Variants in CPEB3 observed in about 807,000 individuals in gnomAD.
The protein encoded by CPEB3 is cytoplasmic polyadenylation element-binding protein 3.
Under a neutral mutation model 67.2 loss-of-function variants are expected in CPEB3, and 20 were observed. That is an observed-to-expected ratio of 0.30 (90% CI 0.21 to 0.43). CPEB3 has a LOEUF of 0.43. Ranked by LOEUF, CPEB3 falls within the 20% of genes least tolerant of loss-of-function variation. The pLI is 1.00. For synonymous variants in CPEB3, 376 were observed against 393.1 expected (o/e 0.96, Z 0.51); for missense variants, 746 against 968.6 (o/e 0.77, Z 3.05).
chr10:92,117,767 C>T (rs1845116717), intron 6 of CPEB3, among the ~76,000 whole-genome samples: 1 of 151,484 alleles, frequency 6.6e-6, no homozygotes, highest in African/African-American at 2.4e-5. Context: ...TATTTGATAC[C>T]TAGTACAAAT....
chr10:92,073,846 T>C (rs1358010108), intron 9 of CPEB3, among the ~76,000 whole-genome samples: 1 of 152,178 alleles, frequency 6.6e-6, no homozygotes, highest in Non-Finnish European at 1.5e-5. Flanking sequence ...CAAACCTCTC[T>C]TAGATTCTCC....
At chr10:92,266,365 T>C (rs1382700085) in intron 1 of CPEB3, among the ~76,000 whole-genome samples, 1 of 152,162 alleles carries the variant, frequency 6.6e-6, no homozygotes, top group Non-Finnish European at 1.5e-5. Context: ...GTTTTGCCTC[T>C]CCTTTCTAAA....
chr10:92,174,060 A>G (rs938089941), intron 4 of CPEB3, among the ~76,000 whole-genome samples: 2 of 152,208 alleles, frequency 1.3e-5, no homozygotes, highest in African/African-American at 4.8e-5. Context: ...CCAAGAAATT[A>G]TTTACTTATA....
At position 92,180,948 on chromosome 10, in the gene CPEB3, C is replaced by T. The variant is rs762736647; in HGVS notation, c.1222+15G>A. On this transcript the variant is annotated intron_variant, in intron 4 of 9. Transcript: ENST00000265997. The stretch of plus-strand genomic sequence containing the variant: ...TGACTGCTAATTTAATAGAATATTT[C>T]ATATGAAGACTTACTGTTAAGTGCC... 2 of 1,272,046 alleles carry T rather than the reference C, an allele frequency of 1.6e-6. No individual in the cohort carries two copies. The highest frequency in any genetic ancestry group is 2.3e-6 in the Non-Finnish European group (2 of 870,148). The allele number at this position is 1,272,046 out of a possible 1,614,324, so 78.8% of individuals were successfully genotyped here.
chr10:92,112,683 C>T (rs1479491455), intron 6 of CPEB3, among the ~76,000 whole-genome samples: 1 of 152,208 alleles, frequency 6.6e-6, no homozygotes, highest in Non-Finnish European at 1.5e-5. Flanking sequence ...AGAGCAAAGG[C>T]CCGTCATGAA....
chr10:92,248,554 G>T (rs1852163016), intron 1 of CPEB3, among the ~76,000 whole-genome samples: 1 of 152,144 alleles, frequency 6.6e-6, no homozygotes, highest in Admixed American at 6.5e-5. Context: ...ATAAATGGAT[G>T]GATGAATAAA....
rs746599780 is a variant in CPEB3 at position 92,048,488 on chromosome 10, G to A, written c.*3724C>T. On this transcript the variant is annotated 3_prime_UTR_variant, in exon 10 of 10. Transcript: ENST00000265997. This position sits in a 1 kb window ranked among gnomAD's most constrained non-coding sequence, Gnocchi z 4.1. ...CAGATTTTAAACCCAGTGGTACTTC[G>A]GTTGGGTGACTTCATTCTCAGGGCC... 3 of 151,876 alleles carry A rather than the reference G, an allele frequency of 2.0e-5. No homozygotes were observed. Among genetic ancestry groups the A allele is most frequent in the African/African-American group, 4.8e-5 (2 of 41,266 alleles). 9.4% of individuals were successfully genotyped at this position (151,876 alleles called of 1,614,324 possible). A position where few individuals can be genotyped will look rare whatever the true frequency, so the allele number is the denominator to read the frequency against.
At chr10:92,251,963 A>C (rs1160809522) in intron 1 of CPEB3, among the ~76,000 whole-genome samples, 1 of 151,778 alleles carries the variant, frequency 6.6e-6, no homozygotes, top group Non-Finnish European at 1.5e-5. Flanking sequence ...AAAAAAAAGA[A>C]GTCACAAAAC....
At chr10:92,084,659 A>C (rs1486033930) in intron 8 of CPEB3, among the ~76,000 whole-genome samples, 2 of 152,138 alleles carry the variant, frequency 1.3e-5, no homozygotes, top group Non-Finnish European at 2.9e-5. Context: ...GGCTCACTGC[A>C]AGCTCTGCCT....
At chr10:92,151,747 A>G (rs887385203) in intron 4 of CPEB3, among the ~76,000 whole-genome samples, 2 of 152,118 alleles carry the variant, frequency 1.3e-5, no homozygotes, top group African/African-American at 4.8e-5. Context: ...AGAATCTCAA[A>G]ATCATTTTTG....
chr10:92,174,634 T>G (rs1259457681), intron 4 of CPEB3, among the ~76,000 whole-genome samples: 1 of 152,170 alleles, frequency 6.6e-6, no homozygotes, highest in Non-Finnish European at 1.5e-5. Flanking sequence ...CTACTTAGGT[T>G]TTATTCTAGG....
At chr10:92,213,496 C>T (rs559028169) in intron 2 of CPEB3, among the ~76,000 whole-genome samples, 1 of 152,202 alleles carries the variant, frequency 6.6e-6, no homozygotes, top group South Asian at 2.1e-4. Context: ...AGCAATCTAC[C>T]TTATTTCGGT....
At chr10:92,108,815 T>C (rs1466096070) in intron 7 of CPEB3, among the ~76,000 whole-genome samples, 2 of 152,118 alleles carry the variant, frequency 1.3e-5, no homozygotes, top group East Asian at 3.8e-4. Flanking sequence ...TTTTCAAAAG[T>C]CCTTCAATCC....
chr10:92,237,553 C>T (rs763845431), intron 2 of CPEB3, among the ~76,000 whole-genome samples: 4 of 152,188 alleles, frequency 2.6e-5, no homozygotes, highest in Non-Finnish European at 4.4e-5. Context: ...GGAGATAATT[C>T]ACCAATAGCT....
intron 4 of CPEB3, among the ~76,000 whole-genome samples, chr10:92,164,179 A>G (rs1298102254): frequency 6.6e-6 from 1 of 152,210 alleles, no homozygotes; most frequent in Non-Finnish European, 1.5e-5. Flanking sequence ...AGCTATCATT[A>G]TACACATTTC....
rs184115835 is a variant in CPEB3, at chr10:92,225,133, C to T, written c.1005+14213G>A. On this transcript the variant is annotated intron_variant, in intron 2 of 9. Transcript: ENST00000265997. ...GGGACTACAGGTGTGTGCCACCACA[C>T]CCAGCTAATTTTTGTATTTTTAGTA... Among the ~76,000 whole-genome samples, 874 of 151,932 alleles carry T rather than the reference C, an allele frequency of 5.8e-3. 5 individuals are homozygous for T. Among genetic ancestry groups the T allele is most frequent in the African/African-American group, 0.02 (829 of 41,470 alleles).
At chr10:92,185,894 A>G (rs1315702052) in intron 3 of CPEB3, among the ~76,000 whole-genome samples, 2 of 152,220 alleles carry the variant, frequency 1.3e-5, no homozygotes, top group Non-Finnish European at 2.9e-5. Context: ...AAATGATAAA[A>G]CTTTGATACT....
intron 9 of CPEB3, among the ~76,000 whole-genome samples, chr10:92,065,120 A>G (rs1191948326): frequency 6.6e-6 from 1 of 152,244 alleles, no homozygotes; most frequent in Admixed American, 6.5e-5. Flanking sequence ...GCTCACTGCC[A>G]TGATAGATAA....
At chr10:92,167,815 T>C (rs755778464) in intron 4 of CPEB3, among the ~76,000 whole-genome samples, 8 of 151,812 alleles carry the variant, frequency 5.3e-5, no homozygotes, top group Non-Finnish European at 8.8e-5. Flanking sequence ...GACTGAGACA[T>C]GAGAATTGCT....
Sources: allele counts gnomAD v4.1 joint callset (sites outside exome capture counted in the v4.1 genomes callset), GRCh38; gene constraint gnomAD v4.1.1; non-coding constraint Gnocchi (gnomAD v3.1); transcripts MANE v1.5; gene names NCBI Gene and HGNC (gene_info 2026-07-23, HGNC 2026-07-21).